Variants in GRID2 observed in about 807,000 individuals in gnomAD.
The protein encoded by GRID2 is glutamate ionotropic receptor delta type subunit 2.
In GRID2, 33 loss-of-function variants were observed where a neutral mutation model predicts 114.8. The ratio of observed to expected loss-of-function variants is 0.29; its 90% CI spans 0.22 to 0.38. GRID2 has a LOEUF of 0.38. Ranked by LOEUF, GRID2 falls within the 10% of genes least tolerant of loss-of-function variation. The pLI is 1.00. For missense variants in GRID2, 1,184 were observed against 1,257.7 expected (o/e 0.94, Z 0.89); for synonymous variants, 505 against 449.9 (o/e 1.12, Z -1.55).
chr4:93,278,898 G>A (rs1215512128), intron 8 of GRID2, among the ~76,000 whole-genome samples: 1 of 151,536 alleles, frequency 6.6e-6, no homozygotes, highest in African/African-American at 2.4e-5. Flanking sequence ...CAAAATATCT[G>A]CTCCCTTATT....
In GRID2 at chr4:92,919,373, G is replaced by A. The variant is rs1478070183; in HGVS notation, c.245-165622G>A. Among the ~76,000 whole-genome samples the A allele has an allele frequency of 2.0e-5, 3 of 152,034 alleles. No individual in the cohort carries two copies. The East Asian group carries it at 5.8e-4, about 29-fold the overall frequency. ...TTCCTTCAGTTCTGCTCTGATCTTA[G>A]TTATTTCTTGCCTTCTGCTAACTTT... On this transcript the variant is annotated intron_variant, in intron 2 of 15. Transcript: ENST00000282020.
intron 1 of GRID2, among the ~76,000 whole-genome samples, chr4:92,387,007 T>C (rs1729993396): frequency 6.6e-6 from 1 of 151,926 alleles, no homozygotes; most frequent in African/African-American, 2.4e-5. Flanking sequence ...TGTAATGTGC[T>C]GAACAAAACC....
chr4:92,816,758 G>A (rs1740943538), intron 2 of GRID2, among the ~76,000 whole-genome samples: 1 of 152,060 alleles, frequency 6.6e-6, no homozygotes, highest in Non-Finnish European at 1.5e-5. Flanking sequence ...AATAGTACTA[G>A]TTTATGAAAG....
chr4:92,617,136 A>G (rs945388640), intron 2 of GRID2, among the ~76,000 whole-genome samples: 18 of 151,384 alleles, frequency 1.2e-4, no homozygotes, highest in Middle Eastern at 3.2e-3. Flanking sequence ...CTACAGTGCT[A>G]TAGTACACAA....
chr4:92,547,715 C>T (rs1560703779), intron 1 of GRID2, among the ~76,000 whole-genome samples: 1 of 151,750 alleles, frequency 6.6e-6, no homozygotes. Flanking sequence ...ATACCTCATG[C>T]ACACACAACT....
chr4:93,031,104 T>G (rs2149257735), intron 2 of GRID2, among the ~76,000 whole-genome samples: 1 of 149,480 alleles, frequency 6.7e-6, no homozygotes, highest in African/African-American at 2.5e-5. Context: ...TGGCATGGTC[T>G]TGGCTCACTG....
intron 8 of GRID2, among the ~76,000 whole-genome samples, chr4:93,303,930 A>C (rs182731365): frequency 1.3e-5 from 2 of 152,208 alleles, no homozygotes; most frequent in African/African-American, 4.8e-5. Context: ...ATTTTATCTG[A>C]GGATTTTAAA....
At chr4:93,406,413 G>C (rs1398724810) in intron 9 of GRID2, among the ~76,000 whole-genome samples, 1 of 152,166 alleles carries the variant, frequency 6.6e-6, no homozygotes, top group African/African-American at 2.4e-5. Flanking sequence ...GAAAGCTGAT[G>C]TGGTTGGCGC....
chr4:92,493,127 CAAAAA>C (rs1043809824), intron 1 of GRID2, among the ~76,000 whole-genome samples: 1 of 48,476 alleles, frequency 2.1e-5, no homozygotes, highest in African/African-American at 6.7e-5. Context: ...GACTCCATCT[CAAAAA>C]AAAAAAAAAA....
intron 2 of GRID2, among the ~76,000 whole-genome samples, chr4:92,594,327 T>C (rs530037074): frequency 6.6e-6 from 1 of 152,050 alleles, no homozygotes; most frequent in East Asian, 1.9e-4. Context: ...ATCTAGGTGA[T>C]AAAGACCAGT....
chr4:93,735,937 A>G (rs939479649), intron 14 of GRID2, among the ~76,000 whole-genome samples: 9 of 152,036 alleles, frequency 5.9e-5, no homozygotes, highest in African/African-American at 2.2e-4. Context: ...AGGGAAACTA[A>G]TTCAGTGTAC....
chr4:93,725,510 G>T (rs1729788131), intron 14 of GRID2, among the ~76,000 whole-genome samples: 1 of 151,898 alleles, frequency 6.6e-6, no homozygotes, highest in African/African-American at 2.4e-5. Flanking sequence ...GTAATGGGAT[G>T]GCTGGGTCAA....
intron 1 of GRID2, among the ~76,000 whole-genome samples, chr4:92,435,753 T>A (rs1732707527): frequency 1.3e-5 from 2 of 152,236 alleles, no homozygotes; most frequent in Admixed American, 1.3e-4. Flanking sequence ...TAACTCATTG[T>A]GAGGAAGAAC....
At chr4:92,496,934 GTTAT>G (rs921484111) in intron 1 of GRID2, among the ~76,000 whole-genome samples, 1 of 151,394 alleles carries the variant, frequency 6.6e-6, no homozygotes, top group East Asian at 1.9e-4. Context: ...CAGCTGCTAA[GTTAT>G]TTGTTTCTAG....
chr4:92,940,192 C>A (rs1204867233), intron 2 of GRID2, among the ~76,000 whole-genome samples: 1 of 147,054 alleles, frequency 6.8e-6, no homozygotes, highest in African/African-American at 2.4e-5. Context: ...TTCTTCCTAC[C>A]CATGAGCATG....
At chr4:93,236,171 T>C (rs1024386859) in intron 7 of GRID2, among the ~76,000 whole-genome samples, 1 of 152,082 alleles carries the variant, frequency 6.6e-6, no homozygotes, top group African/African-American at 2.4e-5. Flanking sequence ...ATACTAATGA[T>C]AATAAGATGC....
intron 2 of GRID2, among the ~76,000 whole-genome samples, chr4:92,721,955 G>T (rs191195605): frequency 1.3e-5 from 2 of 152,132 alleles, no homozygotes; most frequent in African/African-American, 4.8e-5. Flanking sequence ...TACAAACTGG[G>T]TTGAATCCTT....
Position 92,904,045 on chromosome 4 carries a change from T to C in GRID2, c.245-180950T>C, listed in dbSNP as rs140177435. Among the ~76,000 whole-genome samples, 593 of 152,034 alleles carry C rather than the reference T, an allele frequency of 3.9e-3. 8 individuals carry two copies. The highest frequency in any genetic ancestry group is 0.014 in the African/African-American group (570 of 41,546). ...TCTTATTTCTAAGAATAGTACTATA[T>C]TCTGTCTGTCACACAGGCTCTTTCA... On this transcript the variant is annotated intron_variant, in intron 2 of 15. Coordinates refer to ENST00000282020, the MANE Select transcript of GRID2 (RefSeq NM_001510.4).
At chr4:92,561,187 A>C (rs1447177242) in intron 1 of GRID2, among the ~76,000 whole-genome samples, 1 of 152,200 alleles carries the variant, frequency 6.6e-6, no homozygotes, top group East Asian at 1.9e-4. Flanking sequence ...TGATGTGTGG[A>C]AGTCTTTGAA....
Sources: gnomAD v4.1 joint callset for allele counts (sites outside exome capture counted in the v4.1 genomes callset) on GRCh38, gnomAD v4.1.1 for gene constraint, MANE v1.5 for transcripts, NCBI Gene and HGNC (gene_info 2026-07-23, HGNC 2026-07-21) for gene names.